Variants in KRT72 observed in about 807,000 individuals in gnomAD.
KRT72 encodes keratin, type II cytoskeletal 72.
Under a neutral mutation model 44.7 loss-of-function variants are expected in KRT72, and 44 were observed. The observed-to-expected ratio is 0.98, with a 90% CI of 0.77 to 1.27. KRT72 has a LOEUF of 1.27. Ranked by LOEUF, KRT72 falls within the 50% of genes most tolerant of loss-of-function variation. KRT72 has a pLI of 0.00. For synonymous variants in KRT72, 302 were observed against 280.4 expected, an observed-to-expected ratio of 1.08 and a Z score of -0.77; for missense variants, 736 against 667.1, an observed-to-expected ratio of 1.10 and a Z score of -1.14.
At chr12:52,599,311 A>C in intron 1 of KRT72, 199 bp from the exon 2 acceptor site, 1 of 654,102 alleles carries the variant, frequency 1.5e-6, no homozygotes, top group South Asian at 1.5e-5. Flanking sequence ...GTCTATATGG[A>C]ATCAGGAAGA....
chr12:52,598,294 G>T (rs899155409), intron 2 of KRT72, among the ~76,000 whole-genome samples: 2 of 152,174 alleles, frequency 1.3e-5, no homozygotes, highest in African/African-American at 4.8e-5. Context: ...ACGACCTCCA[G>T]CCACTTGAAT....
rs1345284635 is a variant in KRT72, at chr12:52,601,281, G to A, written c.172C>T (p.Leu58=). ...CGCCGTGCAGCAGCGCTGAGCGCCA[G>A]GCTTCGGCTGCCCCCAAGGCAGGAG... is the stretch of plus-strand genomic sequence containing the variant. ...SLSCLGGSRS[L]ALSAAARRGG... The change falls in exon 1 of 9, where the codon CTG becomes TTG. Residue 58 remains leucine (L), a synonymous_variant. Coordinates refer to ENST00000293745, the MANE Select transcript of KRT72 (RefSeq NM_080747.3). 1 of 1,551,410 alleles carries A rather than the reference G, an allele frequency of 6.4e-7. No homozygotes were observed. Among genetic ancestry groups the A allele is most frequent in the Non-Finnish European group, 8.7e-7 (1 of 1,148,880 alleles).
chr12:52,591,365 C>CACACAT, intron 5 of KRT72, 99 bp downstream of exon 5: 3 of 1,331,730 alleles, frequency 2.3e-6, no homozygotes, highest in Non-Finnish European at 3.1e-6. Context: ...CAAATACACA[C>CACACAT]ACACACACAA....
chr12:52,598,842 GA>G (rs1940308347), intron 2 of KRT72, 55 bp downstream of exon 2: 4 of 1,552,548 alleles, frequency 2.6e-6, no homozygotes, highest in Middle Eastern at 1.7e-4. Flanking sequence ...ATCTCCAAAC[GA>G]AAACCTCATT....
Position 52,592,397 on chromosome 12 carries a change from C to T in KRT72, c.797G>A (p.Gly266Glu). The change falls in exon 4 of 9, where the codon GGG (glycine) becomes GAG (glutamate). Residue 266 changes from glycine to glutamate, a missense_variant and splice_region_variant. Physicochemically the swap from Gly to Glu is moderately conservative, Grantham distance 98 (BLOSUM62 -2). Transcript: ENST00000293745. ...AAGAGAGGTCAGCCAAGTCCTTACC[C>T]CTTCATAAAGGCACTTGAAGAATTT... ...EIKFFKCLYE[G>E]EITQIQSHIS... The T allele has an allele frequency of 3.1e-6, 5 of 1,603,454 alleles. No homozygotes were observed. The highest frequency in any genetic ancestry group is 4.3e-6 in the Non-Finnish European group (5 of 1,170,426).
At chr12:52,587,336 C>T (rs1939802929) in intron 7 of KRT72, among the ~76,000 whole-genome samples, 1 of 152,156 alleles carries the variant, frequency 6.6e-6, no homozygotes, top group South Asian at 2.1e-4. Flanking sequence ...ACTTGGACAG[C>T]CCTTAGAGGC....
At chr12:52,587,451 A>AT (rs1267567860) in intron 7 of KRT72, among the ~76,000 whole-genome samples, 180 bp downstream of exon 7, 1 of 151,996 alleles carries the variant, frequency 6.6e-6, no homozygotes, top group East Asian at 1.9e-4. Flanking sequence ...AGCCTTTGGG[A>AT]TTTTTTACAA....
chr12:52,586,302 G>C lies in KRT72; in HGVS notation c.1346-130C>G, dbSNP rs541115144. The C allele has an allele frequency of 1.5e-4, 103 of 667,732 alleles. 1 individual carries two copies. The African/African-American group carries it at 1.7e-3, about 11-fold the overall frequency. The allele number at this position is 667,732 out of a possible 1,614,324, so 41.4% of individuals were successfully genotyped here. A position where few individuals can be genotyped will look rare whatever the true frequency, so the allele number is the denominator to read the frequency against. On this transcript the variant is annotated intron_variant, in intron 8 of 8. Coordinates refer to ENST00000293745, the MANE Select transcript of KRT72 (RefSeq NM_080747.3). ...CTTCCTGCTGAGATGGATTCTCTCTGTTGTGTGTTTCAGTCTACTAAGAGA... is the reference window on the plus strand; with the variant it reads ...CTTCCTGCTGAGATGGATTCTCTCTCTTGTGTGTTTCAGTCTACTAAGAGA...
At chr12:52,590,369 T>A (rs1289964859) in intron 6 of KRT72, among the ~76,000 whole-genome samples, 1 of 152,208 alleles carries the variant, frequency 6.6e-6, no homozygotes, top group African/African-American at 2.4e-5. Context: ...GGTATCATCA[T>A]GGGAAACCTT....
chr12:52,589,107 C>T (rs61929564), intron 6 of KRT72, among the ~76,000 whole-genome samples: 10,617 of 152,134 alleles, frequency 0.07, 493 homozygotes, highest in African/African-American at 0.13. Context: ...CAGGGGGCTT[C>T]CTGAGCCCTT....
chr12:52,592,628 T>C (rs773618452), intron 3 of KRT72, 137 bp from the exon 4 acceptor site: 90 of 678,990 alleles, frequency 1.3e-4, no homozygotes, highest in Non-Finnish European at 7.6e-5. Context: ...TCCCCTTCAG[T>C]CCCTGAGAGT....
At chr12:52,601,528 G>A, upstream of KRT72, 4 of 1,451,634 alleles carry the variant, frequency 2.8e-6, no homozygotes, top group Non-Finnish European at 3.7e-6. Flanking sequence ...GGCCCAGCTC[G>A]CCCCTTAAAT....
In KRT72 at chr12:52,601,389, C is replaced by G; in HGVS notation, c.64G>C (p.Val22Leu). Residue 22 changes from valine (V) to leucine (L), a missense_variant, in exon 1 of 9, where the codon GTC becomes CTC. Val to Leu is a conservative substitution (Grantham distance 32). Coordinates refer to ENST00000293745, the MANE Select transcript of KRT72 (RefSeq NM_080747.3). ...CTGCTGCCGATCCCGCCAGAGAGGA[C>G]CGCGGAGCAACCGCTGAAGCCCAGG... is the stretch of plus-strand genomic sequence containing the variant. ...ERLGFSGCSAVLSGGIGSSSA... is the reference protein window; with the variant it reads ...ERLGFSGCSALLSGGIGSSSA... 1 of 1,542,336 alleles carries G rather than the reference C, an allele frequency of 6.5e-7. No homozygotes were observed. Among genetic ancestry groups the G allele is most frequent in the Non-Finnish European group, 8.7e-7 (1 of 1,147,072 alleles).
chr12:52,590,764 T>A (rs1939974044), intron 6 of KRT72, 72 bp downstream of exon 6: 1 of 1,437,662 alleles, frequency 7.0e-7, no homozygotes, highest in Admixed American at 2.0e-5. Flanking sequence ...GTTTTACCCT[T>A]TCTTCATATT....
At chr12:52,586,786 C>T (rs1251853866) in intron 8 of KRT72, among the ~76,000 whole-genome samples, 160 bp downstream of exon 8, 1 of 152,208 alleles carries the variant, frequency 6.6e-6, no homozygotes. Context: ...TCTCCATCCA[C>T]TGCTTCCCCT....
intron 1 of KRT72, among the ~76,000 whole-genome samples, chr12:52,599,671 G>C (rs1940346596): frequency 6.6e-6 from 1 of 152,136 alleles, no homozygotes; most frequent in Admixed American, 6.5e-5. Context: ...TCAGCTTGAG[G>C]GGCAGAAGGA....
chr12:52,601,386 G>C lies in KRT72; in HGVS notation c.67C>G (p.Leu23Val). The C allele has an allele frequency of 6.5e-7, 1 of 1,542,434 alleles. No homozygotes were observed. Among genetic ancestry groups the C allele is most frequent in the South Asian group, 1.2e-5 (1 of 84,090 alleles). ...GAGCTGCTGCCGATCCCGCCAGAGA[G>C]GACCGCGGAGCAACCGCTGAAGCCC... ...RLGFSGCSAVLSGGIGSSSAS... is the reference protein window; with the variant it reads ...RLGFSGCSAVVSGGIGSSSAS... The change falls in exon 1 of 9, where the codon CTC (leucine) becomes GTC (valine). Residue 23 changes from leucine (L) to valine (V), a missense_variant. Physicochemically the swap from Leu to Val is conservative, Grantham distance 32. Coordinates refer to ENST00000293745, the MANE Select transcript of KRT72 (RefSeq NM_080747.3).
chr12:52,600,507 G>A (rs950450829), intron 1 of KRT72, among the ~76,000 whole-genome samples: 6 of 152,174 alleles, frequency 3.9e-5, no homozygotes, highest in Admixed American at 6.5e-5. Flanking sequence ...TTGTGGGAGG[G>A]ACCCAGGGGG....
At chr12:52,591,385 C>A (rs1940013703) in intron 5 of KRT72, 79 bp downstream of exon 5, 14 of 1,438,604 alleles carry the variant, frequency 9.7e-6, no homozygotes, top group Admixed American at 1.8e-5. Flanking sequence ...AACACACGCA[C>A]ACACACGTAC....
Sources: gnomAD v4.1 joint callset for allele counts (sites outside exome capture counted in the v4.1 genomes callset) on GRCh38, gnomAD v4.1.1 for gene constraint, MANE v1.5 for transcripts, NCBI Gene and HGNC (gene_info 2026-07-23, HGNC 2026-07-21) for gene names.